Variants in DHX57 observed in about 807,000 individuals in gnomAD.
DHX57 encodes the protein putative ATP-dependent RNA helicase DHX57.
DHX57 carries 105 observed loss-of-function variants against 156.2 expected under a neutral mutation model. That is an observed-to-expected ratio of 0.67 (90% CI 0.57 to 0.79). The LOEUF is 0.79. Among genes scored for constraint, DHX57 ranks in the 30% least tolerant of loss-of-function variants. DHX57 has a pLI of 0.00. For synonymous variants in DHX57, 704 were observed against 595.6 expected, an observed-to-expected ratio of 1.18 and a Z score of -2.65; for missense variants, 1,847 against 1,661.9, an observed-to-expected ratio of 1.11 and a Z score of -1.94.
At chr2:38,821,128 G>A (rs1245579840) in intron 17 of DHX57, among the ~76,000 whole-genome samples, 2 of 151,940 alleles carry the variant, frequency 1.3e-5, no homozygotes, top group Non-Finnish European at 2.9e-5. Context: ...AATAATCAAA[G>A]GGTCACAGGA....
At position 38,868,170 on chromosome 2, in the gene DHX57, A is replaced by T. The variant is rs1442019687; in HGVS notation, c.224+12T>A. On this transcript the variant is annotated intron_variant, in intron 2 of 23. Transcript: ENST00000457308. Reference sequence around the variant, plus strand: ...CATTTCCATATTTAAACATTCAAAGAGTTATAATGACCTGGAAGGGCGCCT... The same window carrying T: ...CATTTCCATATTTAAACATTCAAAGTGTTATAATGACCTGGAAGGGCGCCT... The T allele has an allele frequency of 2.5e-6, 4 of 1,612,846 alleles. No individual in the cohort carries two copies. The South Asian group carries it at 3.3e-5, about 13-fold the overall frequency.
chr2:38,845,795 A>C (rs1672247207), intron 11 of DHX57, among the ~76,000 whole-genome samples: 1 of 152,136 alleles, frequency 6.6e-6, no homozygotes, highest in African/African-American at 2.4e-5. Context: ...GTTTATACAG[A>C]TATCTTAACA....
chr2:38,798,756 C>T (rs1270518092), intron 23 of DHX57, among the ~76,000 whole-genome samples: 9 of 151,384 alleles, frequency 5.9e-5, no homozygotes, highest in East Asian at 3.9e-4. Flanking sequence ...CCAGGCTGGC[C>T]AACATGGTGA....
Position 38,863,458 on chromosome 2 carries a change from C to A in DHX57, c.286G>T (p.Val96Leu). ...SRPKWKPKAK[V>L]PLQTLHMTSE... ...GTCATATGTAGAGTCTGAAGGGGTA[C>A]TTTGGCTTTGGGTTTCCATTTTGGG... The change falls in exon 3 of 24, where the codon GTA (valine) becomes TTA (leucine). Residue 96 changes from valine to leucine, a missense_variant. Coordinates refer to ENST00000457308, the MANE Select transcript of DHX57 (RefSeq NM_198963.3). 1 of 1,614,100 alleles carries A rather than the reference C, an allele frequency of 6.2e-7. No individual in the cohort carries two copies. Among genetic ancestry groups the A allele is most frequent in the Non-Finnish European group, 8.5e-7 (1 of 1,180,006 alleles).
intron 9 of DHX57, among the ~76,000 whole-genome samples, chr2:38,848,606 C>G (rs1210435465): frequency 2.0e-5 from 3 of 151,938 alleles, no homozygotes; most frequent in African/African-American, 7.3e-5. Context: ...ATGCTTGGAA[C>G]CAGAAGTGTT....
rs531928212 is a variant in DHX57, at chr2:38,811,968, A to G, written c.3681+1853T>C. ...GAGACAGGGTTTTGCCATGTTGCCCAGGCTGGTCTCAAACTCCTGAGCTCA... is the reference window on the plus strand; with the variant it reads ...GAGACAGGGTTTTGCCATGTTGCCCGGGCTGGTCTCAAACTCCTGAGCTCA... On this transcript the variant is annotated intron_variant, in intron 21 of 23. Coordinates refer to ENST00000457308, the MANE Select transcript of DHX57 (RefSeq NM_198963.3). 3.9e-5 allele frequency among the ~76,000 whole-genome samples: 6 copies of G among 152,178 alleles called. No homozygotes were observed. In the South Asian group the frequency reaches 1.2e-3, roughly 32 times the overall value.
At chr2:38,846,518 T>C (rs894301837) in intron 11 of DHX57, among the ~76,000 whole-genome samples, 1 of 150,368 alleles carries the variant, frequency 6.7e-6, no homozygotes, top group African/African-American at 2.5e-5. Flanking sequence ...CTCAGGAGGC[T>C]GAAGTAGAAG....
In DHX57 at chr2:38,861,811, T is replaced by A. The variant is rs1300284787; in HGVS notation, c.599A>T (p.Gln200Leu). The A allele has an allele frequency of 1.2e-6, 2 of 1,611,170 alleles. No individual in the cohort carries two copies. Among genetic ancestry groups the A allele is most frequent in the South Asian group, 1.1e-5 (1 of 90,634 alleles). The change falls in exon 5 of 24, where the codon CAA becomes CTA. Residue 200 changes from glutamine (Q) to leucine (L), a missense_variant. By Grantham distance (113) the Gln-to-Leu change is moderately radical. Coordinates refer to ENST00000457308, the MANE Select transcript of DHX57 (RefSeq NM_198963.3). ...TCCATCACACATCCTCAGGACCGCT[T>A]GACAGCGTTCAGTATTGAAACCATA... ...SRYGFNTERC[Q>L]AVLRMCDGDV...
At chr2:38,871,664 A>G (rs371768080) in intron 1 of DHX57, among the ~76,000 whole-genome samples, 2 of 151,960 alleles carry the variant, frequency 1.3e-5, no homozygotes, top group East Asian at 1.9e-4. Flanking sequence ...TGGGCACGAT[A>G]CAGAGAGAGG....
At chr2:38,821,630 T>A (rs552015865) in intron 17 of DHX57, among the ~76,000 whole-genome samples, 1 of 152,110 alleles carries the variant, frequency 6.6e-6, no homozygotes, top group Admixed American at 6.5e-5. Context: ...AAGTCGGAGG[T>A]TGCAGTGAGC....
At chr2:38,866,550 A>G (rs933040978) in intron 2 of DHX57, among the ~76,000 whole-genome samples, 2 of 152,174 alleles carry the variant, frequency 1.3e-5, no homozygotes, top group Non-Finnish European at 2.9e-5. Context: ...GGCACCTGGT[A>G]ATGTTATACA....
At chr2:38,842,963 A>C (rs1251576174) in intron 12 of DHX57, 42 bp downstream of exon 12, 13 of 1,584,760 alleles carry the variant, frequency 8.2e-6, no homozygotes, top group African/African-American at 1.3e-5. Context: ...AATACTAGAA[A>C]TCTTTGGCAT....
intron 14 of DHX57, among the ~76,000 whole-genome samples, chr2:38,827,505 A>AAT (rs61667849): frequency 0.055 from 552 of 10,038 alleles, 31 homozygotes; most frequent in African/African-American, 0.078. Context: ...AAAAAAAAAA[A>AAT]ATATATATAT....
chr2:38,843,644 C>T (rs1032137690), intron 11 of DHX57, among the ~76,000 whole-genome samples: 3 of 152,172 alleles, frequency 2.0e-5, no homozygotes, highest in African/African-American at 7.2e-5. Flanking sequence ...TAAGACTATT[C>T]TTAAAACATT....
Position 38,858,837 on chromosome 2 carries a change from C to A in DHX57, c.1412-1G>T, listed in dbSNP as rs765850857. The A allele has an allele frequency of 1.2e-6, 2 of 1,607,160 alleles. No homozygotes were observed. Among genetic ancestry groups the A allele is most frequent in the Non-Finnish European group, 1.7e-6 (2 of 1,178,400 alleles). On this transcript the variant is annotated splice_acceptor_variant, in intron 5 of 23. Transcript: ENST00000457308. LOFTEE classifies it high-confidence loss of function. Reference sequence around the variant, plus strand: ...TCCTCAGATTCTGATGCTTTTTCAACTTGAAGGAAATAAAAGAAAACATTT... The same window carrying A: ...TCCTCAGATTCTGATGCTTTTTCAAATTGAAGGAAATAAAAGAAAACATTT...
chr2:38,820,040 T>TTAGA (rs1670733550), intron 17 of DHX57, among the ~76,000 whole-genome samples: 2 of 152,330 alleles, frequency 1.3e-5, no homozygotes, highest in Non-Finnish European at 2.9e-5. Context: ...GCTGCAGTAG[T>TTAGA]TTCTCATGGC....
At chr2:38,858,167 T>C (rs1023216402) in intron 6 of DHX57, among the ~76,000 whole-genome samples, 8 of 152,194 alleles carry the variant, frequency 5.3e-5, no homozygotes, top group African/African-American at 1.9e-4. Flanking sequence ...GTTCAAGCAA[T>C]TCTTGTGCCT....
chr2:38,853,569 TA>T (rs1307111715), intron 9 of DHX57: 1 of 152,344 alleles, frequency 6.6e-6, no homozygotes, highest in East Asian at 1.9e-4. Flanking sequence ...ACTTGTTCAT[TA>T]TTTGTTTTTT....
At chr2:38,814,356 A>G (rs1381451040) in intron 20 of DHX57, among the ~76,000 whole-genome samples, 1 of 152,234 alleles carries the variant, frequency 6.6e-6, no homozygotes, top group Non-Finnish European at 1.5e-5. Flanking sequence ...AATTATTTCT[A>G]AGTAAAAAAA....
Sources: gnomAD v4.1 joint callset for allele counts (sites outside exome capture counted in the v4.1 genomes callset) on GRCh38, gnomAD v4.1.1 for gene constraint, MANE v1.5 for transcripts, NCBI Gene and HGNC (gene_info 2026-07-23, HGNC 2026-07-21) for gene names.